AP1S3: variants seen among roughly 807,000 people sequenced by gnomAD.
AP1S3 encodes AP-1 complex subunit sigma-3.
A neutral mutation model predicts 20.9 loss-of-function variants in AP1S3; 10 were observed. The observed-to-expected ratio is 0.48, with a 90% CI of 0.29 to 0.81. The LOEUF is 0.81. Among genes scored for constraint, AP1S3 ranks in the 30% least tolerant of loss-of-function variants. AP1S3 has a pLI of 0.08. For synonymous variants in AP1S3, 41 were observed against 61.5 expected (o/e 0.67, Z 1.56); for missense variants, 154 against 183.8 (o/e 0.84, Z 0.94).
intron 1 of AP1S3, among the ~76,000 whole-genome samples, chr2:223,805,679 TAC>T (rs1233974131): frequency 5.9e-5 from 9 of 152,222 alleles, no homozygotes; most frequent in African/African-American, 1.7e-4. Context: ...TAACTTCTTA[TAC>T]GTCTTAACGT....
chr2:223,770,094 T>C, intron 3 of AP1S3: 1 of 1,458,896 alleles, frequency 6.9e-7, no homozygotes, highest in Non-Finnish European at 9.1e-7. Context: ...TGTAAAAATA[T>C]GCATCATTTT....
intron 1 of AP1S3, among the ~76,000 whole-genome samples, chr2:223,788,612 A>AAAT (rs1691131428): frequency 6.7e-6 from 1 of 150,252 alleles, no homozygotes; most frequent in Admixed American, 6.6e-5. Context: ...AAAAAAAAAA[A>AAAT]AATTAGCTGG....
At chr2:223,774,669 A>C (rs1690721226) in intron 3 of AP1S3, among the ~76,000 whole-genome samples, 1 of 152,182 alleles carries the variant, frequency 6.6e-6, no homozygotes, top group Non-Finnish European at 1.5e-5. Flanking sequence ...GTGAACCTAT[A>C]TTAGTGAGAG....
intron 1 of AP1S3, among the ~76,000 whole-genome samples, chr2:223,801,509 G>A (rs969029864): frequency 1.3e-5 from 2 of 152,104 alleles, no homozygotes; most frequent in African/African-American, 4.8e-5. Flanking sequence ...CCAGGCTGGA[G>A]TGCAGTGGCG....
At position 223,779,581 on chromosome 2, in the gene AP1S3, T is replaced by A. The variant is rs149711075; in HGVS notation, c.4-1712A>T. ...TCAGTTTTGTTTTGTTTTTAAAAAA[T>A]AAAGTGCATTGTTTCAGTTGTGTCA... On this transcript the variant is annotated intron_variant, in intron 1 of 4. Transcript: ENST00000396654. Among the ~76,000 whole-genome samples the A allele has an allele frequency of 8.3e-3, 1,261 of 152,314 alleles. 9 individuals are homozygous for A. Among genetic ancestry groups the A allele is most frequent in the Non-Finnish European group, 0.013 (910 of 68,016 alleles).
intron 3 of AP1S3, among the ~76,000 whole-genome samples, chr2:223,773,641 T>C (rs1183560403): frequency 6.6e-6 from 1 of 152,160 alleles, no homozygotes; most frequent in African/African-American, 2.4e-5. Context: ...CAGAAATCTT[T>C]CCAGTGTTCA....
chr2:223,770,726 C>CCTTTTT (rs1194728092), intron 3 of AP1S3, among the ~76,000 whole-genome samples: 1 of 76,628 alleles, frequency 1.3e-5, no homozygotes, highest in African/African-American at 8.8e-5. Flanking sequence ...TAGACCAGTT[C>CCTTTTT]ATTTTTTTTT....
In AP1S3 at chr2:223,756,488, A is replaced by T; in HGVS notation, c.*2227T>A. The T allele has an allele frequency of 2.2e-6, 2 of 915,272 alleles. No homozygotes were observed. Among genetic ancestry groups the T allele is most frequent in the South Asian group, 9.8e-5 (2 of 20,336 alleles). The allele number at this position is 915,272 out of a possible 1,614,324, so 56.7% of individuals were successfully genotyped here. On this transcript the variant is annotated 3_prime_UTR_variant, in exon 5 of 5. Coordinates refer to ENST00000396654, the MANE Select transcript of AP1S3 (RefSeq NM_001039569.2). ...AAGAAAAGAAAGAAAGAAAGAAAAA[A>T]AGAAAGAAAAAATTCTAACACATTA...
At chr2:223,772,227 T>C (rs1232746224) in intron 3 of AP1S3, among the ~76,000 whole-genome samples, 1 of 152,236 alleles carries the variant, frequency 6.6e-6, no homozygotes, top group Non-Finnish European at 1.5e-5. Flanking sequence ...CCAGCAGCCC[T>C]ATAAGGTTAG....
chr2:223,770,426 G>A (rs999927434), intron 3 of AP1S3: 2 of 1,476,020 alleles, frequency 1.4e-6, no homozygotes, highest in Non-Finnish European at 1.8e-6. Flanking sequence ...CAGCCATGGG[G>A]CAATTAATTT....
intron 1 of AP1S3, among the ~76,000 whole-genome samples, chr2:223,835,030 TG>T (rs977698334): frequency 4.0e-5 from 3 of 74,820 alleles, no homozygotes; most frequent in Non-Finnish European, 1.0e-4. Context: ...GAGAATGAAA[TG>T]GGAAAATTAA....
chr2:223,780,052 C>A (rs536230818), intron 1 of AP1S3, among the ~76,000 whole-genome samples: 1 of 151,804 alleles, frequency 6.6e-6, no homozygotes, highest in Admixed American at 6.6e-5. Context: ...CACTAGGTGG[C>A]GATATCTGAG....
chr2:223,791,518 T>C (rs765323554), intron 1 of AP1S3, among the ~76,000 whole-genome samples: 3 of 152,162 alleles, frequency 2.0e-5, no homozygotes, highest in East Asian at 3.8e-4. Context: ...AAACTAGATA[T>C]TGAAGGAACA....
intron 1 of AP1S3, among the ~76,000 whole-genome samples, chr2:223,812,189 G>A (rs1691747477): frequency 6.6e-6 from 1 of 152,060 alleles, no homozygotes; most frequent in South Asian, 2.1e-4. Flanking sequence ...ATTTATGCAT[G>A]CAGGCATGTA....
At position 223,758,383 on chromosome 2, in the gene AP1S3, A is replaced by C; in HGVS notation, c.*332T>G. On this transcript the variant is annotated 3_prime_UTR_variant, in exon 5 of 5. Transcript: ENST00000396654. ...ACAATATTGTGTCAAATGCAAAAAAAATTGCAGCTAATGTATCTAAACCAG... is the reference window on the plus strand; with the variant it reads ...ACAATATTGTGTCAAATGCAAAAAACATTGCAGCTAATGTATCTAAACCAG... The C allele has an allele frequency of 9.6e-7, 1 of 1,044,602 alleles. No individual in the cohort carries two copies. The highest frequency in any genetic ancestry group is 1.2e-6 in the Non-Finnish European group (1 of 868,862). The allele number at this position is 1,044,602 out of a possible 1,614,324, so 64.7% of individuals were successfully genotyped here. A position where few individuals can be genotyped will look rare whatever the true frequency, so the allele number is the denominator to read the frequency against.
chr2:223,761,721 C>T (rs1178795680), intron 4 of AP1S3, among the ~76,000 whole-genome samples: 2 of 152,138 alleles, frequency 1.3e-5, no homozygotes, highest in South Asian at 2.1e-4. Context: ...ACCACCACAC[C>T]TGGCTAATTT....
intron 1 of AP1S3, among the ~76,000 whole-genome samples, chr2:223,791,177 G>A (rs999683027): frequency 1.3e-5 from 2 of 152,198 alleles, no homozygotes; most frequent in African/African-American, 4.8e-5. Context: ...ACTCATTCAT[G>A]AGGCCAGCAT....
At chr2:223,795,992 G>C (rs761704302) in intron 1 of AP1S3, among the ~76,000 whole-genome samples, 11 of 152,210 alleles carry the variant, frequency 7.2e-5, no homozygotes, top group Non-Finnish European at 1.6e-4. Flanking sequence ...GGCCAACATG[G>C]CGAAAGCCCT....
chr2:223,789,146 A>AG (rs987394666), intron 1 of AP1S3, among the ~76,000 whole-genome samples: 208 of 151,944 alleles, frequency 1.4e-3, no homozygotes, highest in East Asian at 5.8e-4. Flanking sequence ...GAAAAAAAAA[A>AG]CACTGGATAC....
Sources: gnomAD v4.1 joint callset for allele counts (sites outside exome capture counted in the v4.1 genomes callset) on GRCh38, gnomAD v4.1.1 for gene constraint, MANE v1.5 for transcripts, NCBI Gene and HGNC (gene_info 2026-07-23, HGNC 2026-07-21) for gene names.